The following ISYNA1 variants were observed in gnomAD, a reference collection of about 807,000 sequenced individuals.
The protein encoded by ISYNA1 is inositol-3-phosphate synthase 1.
Under a neutral mutation model 50.3 loss-of-function variants are expected in ISYNA1, and 34 were observed. The ratio of observed to expected loss-of-function variants is 0.68; its 90% CI spans 0.51 to 0.90. The LOEUF is 0.90. Ranked by LOEUF, ISYNA1 falls within the 40% of genes least tolerant of loss-of-function variation. The pLI is 0.00. For synonymous variants in ISYNA1, 396 were observed against 349.9 expected, an observed-to-expected ratio of 1.13 and a Z score of -1.47; for missense variants, 718 against 784.8, an observed-to-expected ratio of 0.91 and a Z score of 1.02.
chr19:18,435,450 G>A lies in ISYNA1; in HGVS notation c.1288C>T (p.Leu430=), dbSNP rs748807306. The change falls in exon 10 of 11, where the codon CTA becomes TTA. Residue 430 remains leucine (L), a synonymous_variant. Coordinates refer to ENST00000338128, the MANE Select transcript of ISYNA1 (RefSeq NM_016368.5). The part of the protein sequence containing the change: ...SLLAAPIMLD[L]ALLTELCQRV... ...TGGCACAGCTCGGTCAGCAGCGCTA[G>A]GTCCAGCATGATGGGTGCGGCCAGC... 3.1e-6 allele frequency: 5 copies of A among 1,609,550 alleles called. No individual in the cohort carries two copies. The highest frequency in any genetic ancestry group is 4.2e-6 in the Non-Finnish European group (5 of 1,179,838).
rs767634738 is a variant in ISYNA1 at position 18,435,340 on chromosome 19, C to T, written c.1398G>A (p.Ala466=). ...VLSLLSFLFK[A]PLVPPGSPVV... ...CCGGGCTGCCGGGCGGCACTAGTGG[C>T]GCCTTGAAGAGGAAGCTGAGCAGGG... is the stretch of plus-strand genomic sequence containing the variant. The change falls in exon 10 of 11, where the codon GCG becomes GCA. Residue 466 remains alanine (A), a synonymous_variant. Transcript: ENST00000338128. The T allele has an allele frequency of 1.2e-6, 2 of 1,610,260 alleles. No homozygotes were observed. Among genetic ancestry groups the T allele is most frequent in the African/African-American group, 1.3e-5 (1 of 75,038 alleles).
rs1201021128 is a variant in ISYNA1, at chr19:18,435,590, GT to G, written c.1226del (p.Asn409ThrfsTer22). 6.2e-7 allele frequency: 1 copy of G among 1,609,468 alleles called. No individual in the cohort carries two copies. Among genetic ancestry groups the G allele is most frequent in the South Asian group, 1.1e-5 (1 of 90,482 alleles). On this transcript the variant is annotated frameshift_variant, in exon 9 of 11. Transcript: ENST00000338128. LOFTEE classifies it high-confidence loss of function. ...YTSELMLGGTNTLVLHNTCED... is the reference protein window; with the variant it reads ...YTSELMLGGTXTLVLHNTCED... ...CACACGTGTTGTGCAGCACCAGTGT[GT>G]TGGTTCCGCCCAGCATCAGCTCCGA...
rs1973858579 is a variant in ISYNA1, at chr19:18,434,520, G to T, written c.*393C>A. The T allele has an allele frequency of 3.3e-6, 2 of 599,086 alleles. No individual in the cohort carries two copies. The highest frequency in any genetic ancestry group is 5.5e-6 in the Non-Finnish European group (2 of 366,022). The allele number at this position is 599,086 out of a possible 1,614,324, so 37.1% of individuals were successfully genotyped here. A position where few individuals can be genotyped will look rare whatever the true frequency, so the allele number is the denominator to read the frequency against. On this transcript the variant is annotated 3_prime_UTR_variant, in exon 11 of 11. Coordinates refer to ENST00000338128, the MANE Select transcript of ISYNA1 (RefSeq NM_016368.5). ...GCCCCTCTCCCCAGGACGTCAGGGGGTGGGGCCCATAAATAAATGGAAGCT... is the reference window on the plus strand; with the variant it reads ...GCCCCTCTCCCCAGGACGTCAGGGGTTGGGGCCCATAAATAAATGGAAGCT...
At chr19:18,438,044 G>C (rs1182037332) in intron 1 of ISYNA1, 49 bp downstream of exon 1, 2 of 1,481,260 alleles carry the variant, frequency 1.4e-6, no homozygotes, top group Non-Finnish European at 1.8e-6. Flanking sequence ...CCGGGGCCAA[G>C]CCAGCCTGGG....
At chr19:18,437,321 G>T (rs1178683987) in intron 3 of ISYNA1, 2 of 1,410,224 alleles carry the variant, frequency 1.4e-6, no homozygotes, top group East Asian at 2.6e-5. Flanking sequence ...AGGAGTCCCC[G>T]CTACCTCGCG....
rs759219892 is a variant in ISYNA1, at chr19:18,435,129, A to C, written c.1473-12T>G. ...GCCCCACGCAGGCCCTGGAGAGGTC[A>C]CACAGCTTAGCAGAGCCAGACACCC... On this transcript the variant is annotated splice_polypyrimidine_tract_variant and intron_variant, in intron 10 of 10. Transcript: ENST00000338128. 28 of 1,612,370 alleles carry C rather than the reference A, an allele frequency of 1.7e-5. No homozygotes were observed.
In ISYNA1 at chr19:18,436,333, A is replaced by G. The variant is rs774511397; in HGVS notation, c.756T>C (p.Ile252=). ...CTCCACCCGGGCGTTCGCCCACCTC[A>G]ATGGTGCGCAGCAGGTTCTCGGCTG... ...NDTAENLLRT[I]ELGLEVSPST... The change falls in exon 6 of 11, where the codon ATT becomes ATC. Residue 252 remains isoleucine, a synonymous_variant. Transcript: ENST00000338128. 5 of 1,612,018 alleles carry G rather than the reference A, an allele frequency of 3.1e-6. No homozygotes were observed. The South Asian group carries it at 5.5e-5, about 18-fold the overall frequency.
At chr19:18,436,308 C>T in intron 6 of ISYNA1, 22 bp downstream of exon 6, 1 of 1,610,552 alleles carries the variant, frequency 6.2e-7, no homozygotes, top group South Asian at 1.1e-5. Context: ...GCCTGACCCG[C>T]TCCACCCGGG....
At position 18,435,936 on chromosome 19, in the gene ISYNA1, G is replaced by A; in HGVS notation, c.976-15C>T. ...ATGGACATGGTCTGTGGGTACAAGGGAAGCCCCAGCAGCTGCAGGCCCTGC... is the reference window on the plus strand; with the variant it reads ...ATGGACATGGTCTGTGGGTACAAGGAAAGCCCCAGCAGCTGCAGGCCCTGC... On this transcript the variant is annotated splice_polypyrimidine_tract_variant and intron_variant, in intron 7 of 10. Coordinates refer to ENST00000338128, the MANE Select transcript of ISYNA1 (RefSeq NM_016368.5). 1 of 1,613,636 alleles carries A rather than the reference G, an allele frequency of 6.2e-7. No homozygotes were observed. The highest frequency in any genetic ancestry group is 8.5e-7 in the Non-Finnish European group (1 of 1,179,816).
chr19:18,434,457 A>G lies in ISYNA1; in HGVS notation c.*456T>C, dbSNP rs1973851141. ...CTTTTCTGTATGGACCCTTCCTGCC[A>G]TTTGTATTTTGTCCCAGAGAGAAAG... On this transcript the variant is annotated 3_prime_UTR_variant, in exon 11 of 11. Coordinates refer to ENST00000338128, the MANE Select transcript of ISYNA1 (RefSeq NM_016368.5). The G allele has an allele frequency of 2.1e-6, 2 of 973,804 alleles. No individual in the cohort carries two copies. The highest frequency in any genetic ancestry group is 3.4e-5 in the African/African-American group (2 of 59,112). The allele number at this position is 973,804 out of a possible 1,614,324, so 60.3% of individuals were successfully genotyped here. A position where few individuals can be genotyped will look rare whatever the true frequency, so the allele number is the denominator to read the frequency against.
rs1973931288 is a variant in ISYNA1, at chr19:18,435,335, A to G, written c.1403T>C (p.Leu468Pro). ...SLLSFLFKAP[L>P]VPPGSPVVNA... is the part of the protein sequence containing the mutation. Reference sequence around the variant, plus strand: ...GACCACCGGGCTGCCGGGCGGCACTAGTGGCGCCTTGAAGAGGAAGCTGAG... The same window carrying G: ...GACCACCGGGCTGCCGGGCGGCACTGGTGGCGCCTTGAAGAGGAAGCTGAG... Residue 468 changes from leucine (L) to proline (P), a missense_variant, in exon 10 of 11, where the codon CTA becomes CCA. By Grantham distance (98) the Leu-to-Pro change is moderately conservative. This residue lies in a region of ISYNA1 where 305 missense variants were observed against 292.6 expected (regional missense o/e 1.04). Transcript: ENST00000338128. 1.2e-6 allele frequency: 2 copies of G among 1,610,020 alleles called. No individual in the cohort carries two copies. The highest frequency in any genetic ancestry group is 8.5e-7 in the Non-Finnish European group (1 of 1,179,940).
In ISYNA1 at chr19:18,435,965, CCCA is replaced by C. The variant is rs960837657; in HGVS notation, c.976-47_976-45del. On this transcript the variant is annotated intron_variant, in intron 7 of 10. Transcript: ENST00000338128. ...CCCCAGCAGCTGCAGGCCCTGCGGC[CCCA>C]CAAGCCAGGTGCTCGCGGCCCAGGC... is the stretch of plus-strand genomic sequence containing the variant. 4 of 1,612,842 alleles carry C rather than the reference CCCA, an allele frequency of 2.5e-6. No individual in the cohort carries two copies. In the African/African-American group the frequency reaches 5.3e-5, roughly 22 times the overall value.
Position 18,435,813 on chromosome 19 carries a change from C to T in ISYNA1, c.1084G>A (p.Asp362Asn), listed in dbSNP as rs779071108. Residue 362 changes from aspartate to asparagine, a missense_variant, in exon 8 of 11, where the codon GAC becomes AAC. Around this residue, in one of 3 missense-constraint regions of ISYNA1, gnomAD observed 305 missense variants for 292.6 expected, o/e 1.04. Coordinates refer to ENST00000338128, the MANE Select transcript of ISYNA1 (RefSeq NM_016368.5). ...AGCACTGGGTTGCTCTGCACCATGT[C>T]GTCCACCACGTTGCTCTTGGACACC... The part of the protein sequence containing the change: ...KEVSKSNVVD[D>N]MVQSNPVLYT... 1.9e-6 allele frequency: 3 copies of T among 1,613,866 alleles called. No homozygotes were observed. In the South Asian group the frequency reaches 3.3e-5, roughly 18 times the overall value.
At chr19:18,437,511 GCAGAGCCCC>G in intron 3 of ISYNA1, 79 bp downstream of exon 3, 18 of 180,866 alleles carry the variant, frequency 1.0e-4, no homozygotes, top group African/African-American at 2.5e-4. Flanking sequence ...CCCTGGTCCC[GCAGAGCCCC>G]GCCCCCTGCA....
In ISYNA1 at chr19:18,434,842, G is replaced by A. The variant is rs1011614347; in HGVS notation, c.*71C>T. On this transcript the variant is annotated 3_prime_UTR_variant, in exon 11 of 11. Coordinates refer to ENST00000338128, the MANE Select transcript of ISYNA1 (RefSeq NM_016368.5). ...GGGCTGAGTGGCAGCGCCTTTATTTGTGGGGGCCTTCAAGGTAGGGTCGTG... is the reference window on the plus strand; with the variant it reads ...GGGCTGAGTGGCAGCGCCTTTATTTATGGGGGCCTTCAAGGTAGGGTCGTG... 13 of 1,315,394 alleles carry A rather than the reference G, an allele frequency of 9.9e-6. No individual in the cohort carries two copies. The South Asian group carries it at 1.5e-4, about 16-fold the overall frequency. The allele number at this position is 1,315,394 out of a possible 1,614,324, so 81.5% of individuals were successfully genotyped here.
rs760638547 is a variant in ISYNA1, at chr19:18,435,746, G to A, written c.1140+11C>T. 2 of 1,611,824 alleles carry A rather than the reference G, an allele frequency of 1.2e-6. No homozygotes were observed. Among genetic ancestry groups the A allele is most frequent in the East Asian group, 2.2e-5 (1 of 44,844 alleles). On this transcript the variant is annotated intron_variant, in intron 8 of 10. Coordinates refer to ENST00000338128, the MANE Select transcript of ISYNA1 (RefSeq NM_016368.5). Reference sequence around the variant, plus strand: ...CGGGCAACCCCGCGCCCGCGCCCGCGCCCCACGCACGCAGTGGTCAGGCTC... The same window carrying A: ...CGGGCAACCCCGCGCCCGCGCCCGCACCCCACGCACGCAGTGGTCAGGCTC...
Position 18,436,266 on chromosome 19 carries a change from G to T in ISYNA1, c.760-19C>A. ...GACCGAGCTGTGGGCAAGGCGGGCA[G>T]TCAGCACAGAGCTGTGTCTGTGACT... On this transcript the variant is annotated intron_variant, in intron 6 of 10. Transcript: ENST00000338128. The T allele has an allele frequency of 6.2e-7, 1 of 1,607,782 alleles. No individual in the cohort carries two copies. Among genetic ancestry groups the T allele is most frequent in the African/African-American group, 1.3e-5 (1 of 74,948 alleles).
Position 18,437,580 on chromosome 19 carries a change from A to G in ISYNA1, c.282+19T>C. The G allele has an allele frequency of 1.2e-6, 1 of 850,578 alleles. No individual in the cohort carries two copies. Among genetic ancestry groups the G allele is most frequent in the Non-Finnish European group, 1.4e-6 (1 of 712,918 alleles). The allele number at this position is 850,578 out of a possible 1,614,324, so 52.7% of individuals were successfully genotyped here. A position where few individuals can be genotyped will look rare whatever the true frequency, so the allele number is the denominator to read the frequency against. ...CTCCCACCAAGCCTCCCTACCCACC[A>G]CGCCCCTCCCGCCCCCACCTTGCGG... On this transcript the variant is annotated intron_variant, in intron 3 of 10. Coordinates refer to ENST00000338128, the MANE Select transcript of ISYNA1 (RefSeq NM_016368.5).
chr19:18,434,716 C>A lies in ISYNA1; in HGVS notation c.*197G>T. ...TCTCCCTGGGAGTTGGGGTGATGACCATGGGCAGAGGGGATGGGACTGAAG... is the reference window on the plus strand; with the variant it reads ...TCTCCCTGGGAGTTGGGGTGATGACAATGGGCAGAGGGGATGGGACTGAAG... On this transcript the variant is annotated 3_prime_UTR_variant, in exon 11 of 11. Transcript: ENST00000338128. 1 of 601,188 alleles carries A rather than the reference C, an allele frequency of 1.7e-6. No homozygotes were observed. 37.2% of individuals were successfully genotyped at this position (601,188 alleles called of 1,614,324 possible).
Sources: allele counts gnomAD v4.1 joint callset, GRCh38; gene constraint gnomAD v4.1.1; regional missense constraint gnomAD v4.1.1; transcripts MANE v1.5; gene names NCBI Gene and HGNC (gene_info 2026-07-23, HGNC 2026-07-21).